GATAD2A: variants seen among roughly 807,000 people sequenced by gnomAD.
The protein encoded by GATAD2A is transcriptional repressor p66-alpha.
A neutral mutation model predicts 68.5 loss-of-function variants in GATAD2A; 12 were observed. That is an observed-to-expected ratio of 0.18 (90% CI 0.11 to 0.28). GATAD2A has a LOEUF of 0.28. Ranked by LOEUF, GATAD2A falls within the 10% of genes least tolerant of loss-of-function variation. The pLI is 1.00. For synonymous variants in GATAD2A, 410 were observed against 375.3 expected, an observed-to-expected ratio of 1.09 and a Z score of -1.07; for missense variants, 755 against 868.5, an observed-to-expected ratio of 0.87 and a Z score of 1.64.
At chr19:19,491,123 A>G (rs544954624) in intron 2 of GATAD2A, among the ~76,000 whole-genome samples, 2 of 152,334 alleles carry the variant, frequency 1.3e-5, no homozygotes, top group South Asian at 4.2e-4. Flanking sequence ...TGCCTGGGTC[A>G]AATGACTTGG....
chr19:19,437,456 C>G (rs1804616025), intron 1 of GATAD2A, among the ~76,000 whole-genome samples: 1 of 152,236 alleles, frequency 6.6e-6, no homozygotes, highest in South Asian at 2.1e-4. Context: ...GCATACCATA[C>G]AATTCACCCA....
At chr19:19,408,889 G>T (rs1224990651) in intron 1 of GATAD2A, among the ~76,000 whole-genome samples, 1 of 152,154 alleles carries the variant, frequency 6.6e-6, no homozygotes, top group East Asian at 1.9e-4. Context: ...TCTTGAAGGG[G>T]ATTAAGGCAA....
intron 1 of GATAD2A, among the ~76,000 whole-genome samples, chr19:19,408,567 ATACTC>A (rs2050561144): frequency 6.6e-6 from 1 of 152,130 alleles, no homozygotes. Flanking sequence ...CATGTTTTAA[ATACTC>A]TAATTTTCAA....
chr19:19,417,148 G>A (rs914233535), intron 1 of GATAD2A, among the ~76,000 whole-genome samples: 1 of 152,220 alleles, frequency 6.6e-6, no homozygotes, highest in Admixed American at 6.5e-5. Flanking sequence ...ATGCAGCTGG[G>A]CTTTGCATCA....
At chr19:19,438,281 T>C (rs1445755656) in intron 1 of GATAD2A, among the ~76,000 whole-genome samples, 1 of 152,240 alleles carries the variant, frequency 6.6e-6, no homozygotes, top group African/African-American at 2.4e-5. Flanking sequence ...GCTCTCGCTC[T>C]GTCACCCAGG....
At chr19:19,448,241 T>A (rs1438223984) in intron 1 of GATAD2A, among the ~76,000 whole-genome samples, 1 of 152,184 alleles carries the variant, frequency 6.6e-6, no homozygotes, top group Non-Finnish European at 1.5e-5. Context: ...CTGCCCGGAC[T>A]CCCCCTTCAC....
chr19:19,501,963 G>C lies in GATAD2A; in HGVS notation c.1504-6G>C, dbSNP rs1207255591. On this transcript the variant is annotated splice_region_variant and splice_polypyrimidine_tract_variant and intron_variant, in intron 9 of 11. Transcript: ENST00000683918. ...CTGACTTTGCTTTCAACCCCCGTTT[G>C]TGTAGGTCATAAAACCCCGGCGTAA... 3 of 1,613,326 alleles carry C rather than the reference G, an allele frequency of 1.9e-6. No homozygotes were observed. The highest frequency in any genetic ancestry group is 2.7e-5 in the African/African-American group (2 of 75,036).
Position 19,465,605 on chromosome 19 carries a change from C to G in GATAD2A, c.260C>G (p.Thr87Ser), listed in dbSNP as rs1327816760. Residue 87 changes from threonine to serine, a missense_variant, in exon 2 of 12, where the codon ACC (threonine) becomes AGC (serine). Thr to Ser is a moderately conservative substitution (Grantham distance 58). Coordinates refer to ENST00000683918, the MANE Select transcript of GATAD2A (RefSeq NM_001384528.1). ...LVGDGPVDMR[T>S]SHSDMKSERR... Reference sequence around the variant, plus strand: ...GGCGATGGGCCCGTGGACATGCGCACCTCACACAGGTGAGTGGGAGGAGCC... The same window carrying G: ...GGCGATGGGCCCGTGGACATGCGCAGCTCACACAGGTGAGTGGGAGGAGCC... The G allele has an allele frequency of 6.2e-6, 10 of 1,608,306 alleles. No individual in the cohort carries two copies. Among genetic ancestry groups the G allele is most frequent in the Non-Finnish European group, 8.5e-6 (10 of 1,177,658 alleles).
At chr19:19,496,697 C>T (rs1263014890) in intron 7 of GATAD2A, among the ~76,000 whole-genome samples, 2 of 152,238 alleles carry the variant, frequency 1.3e-5, no homozygotes, top group Admixed American at 6.5e-5. Flanking sequence ...TATTCTTAGC[C>T]GCACGTCCCT....
In GATAD2A at chr19:19,508,038, G is replaced by T. The variant is rs1040996778; in HGVS notation, c.*2564G>T. 2 of 152,048 alleles carry T rather than the reference G, an allele frequency of 1.3e-5. No homozygotes were observed. Among genetic ancestry groups the T allele is most frequent in the African/African-American group, 4.8e-5 (2 of 41,314 alleles). The allele number at this position is 152,048 out of a possible 1,614,324, so 9.4% of individuals were successfully genotyped here. ...AGCACACCCTCTTAAACCAGGCACTGCCTGGGTCCTGGTCCCGAGAGCCCT... is the reference window on the plus strand; with the variant it reads ...AGCACACCCTCTTAAACCAGGCACTTCCTGGGTCCTGGTCCCGAGAGCCCT... On this transcript the variant is annotated 3_prime_UTR_variant, in exon 12 of 12. Coordinates refer to ENST00000683918, the MANE Select transcript of GATAD2A (RefSeq NM_001384528.1).
intron 2 of GATAD2A, among the ~76,000 whole-genome samples, chr19:19,476,284 A>G (rs1044891063): frequency 2.0e-5 from 3 of 151,948 alleles, no homozygotes; most frequent in Non-Finnish European, 4.4e-5. Context: ...GATTAAGCAG[A>G]CCTCTTCCTT....
chr19:19,387,454 G>A (rs2048523248), intron 1 of GATAD2A, among the ~76,000 whole-genome samples: 1 of 151,936 alleles, frequency 6.6e-6, no homozygotes, highest in Non-Finnish European at 1.5e-5. Context: ...TGAGTAGCTG[G>A]GACTACAGGC....
intron 2 of GATAD2A, among the ~76,000 whole-genome samples, chr19:19,468,375 T>C (rs1382777711): frequency 6.6e-6 from 1 of 152,230 alleles, no homozygotes; most frequent in Non-Finnish European, 1.5e-5. Context: ...GGCTCTGTTT[T>C]AGCCCAAGGT....
At position 19,505,504 on chromosome 19, in the gene GATAD2A, C is replaced by T. The variant is rs557446760; in HGVS notation, c.*30C>T. On this transcript the variant is annotated 3_prime_UTR_variant, in exon 12 of 12. Coordinates refer to ENST00000683918, the MANE Select transcript of GATAD2A (RefSeq NM_001384528.1). The stretch of plus-strand genomic sequence containing the variant: ...AGCCAGGCCCCGTGGAAGACGGGCT[C>T]CCTCCTCCCCCACCTGGCCCCTGGT... The T allele has an allele frequency of 5.2e-6, 8 of 1,542,474 alleles. No homozygotes were observed. The highest frequency in any genetic ancestry group is 1.2e-5 in the South Asian group (1 of 83,670).
chr19:19,443,270 C>T (rs1334495682), intron 1 of GATAD2A, among the ~76,000 whole-genome samples: 1 of 152,114 alleles, frequency 6.6e-6, no homozygotes, highest in Non-Finnish European at 1.5e-5. Flanking sequence ...CCTGTGCTTC[C>T]ACAGGGACAC....
chr19:19,485,688 G>A (rs1292251302), intron 2 of GATAD2A, among the ~76,000 whole-genome samples: 1 of 152,182 alleles, frequency 6.6e-6, no homozygotes, highest in Middle Eastern at 3.2e-3. Flanking sequence ...AACCAGCCCA[G>A]GTCAAGTACT....
chr19:19,449,377 AT>A (rs1006823446), intron 1 of GATAD2A, among the ~76,000 whole-genome samples: 1 of 152,074 alleles, frequency 6.6e-6, no homozygotes, highest in African/African-American at 2.4e-5. Flanking sequence ...TCTAGATGTT[AT>A]TTATTTTTAG....
At position 19,505,332 on chromosome 19, in the gene GATAD2A, G is replaced by C. The variant is rs770498042; in HGVS notation, c.1775-12G>C. Reference sequence around the variant, plus strand: ...GAGGGCCTTCTCAGCTGGTCGCTCTGTTCTGTTGCAGGCGGGACCCTTGCG... The same window carrying C: ...GAGGGCCTTCTCAGCTGGTCGCTCTCTTCTGTTGCAGGCGGGACCCTTGCG... On this transcript the variant is annotated splice_polypyrimidine_tract_variant and intron_variant, in intron 11 of 11. Transcript: ENST00000683918. 6.2e-7 allele frequency: 1 copy of C among 1,612,868 alleles called. No individual in the cohort carries two copies. The highest frequency in any genetic ancestry group is 8.5e-7 in the Non-Finnish European group (1 of 1,179,572).
chr19:19,471,252 C>CAAA (rs536811641), intron 2 of GATAD2A, among the ~76,000 whole-genome samples: 2 of 105,486 alleles, frequency 1.9e-5, no homozygotes, highest in Non-Finnish European at 4.2e-5. Flanking sequence ...AAGACTGTCT[C>CAAA]AAAAAAAAAA....
Sources: allele counts gnomAD v4.1 joint callset (sites outside exome capture counted in the v4.1 genomes callset), GRCh38; gene constraint gnomAD v4.1.1; transcripts MANE v1.5; gene names NCBI Gene and HGNC (gene_info 2026-07-23, HGNC 2026-07-21).